The following STK25 variants were observed in gnomAD, a reference collection of about 807,000 sequenced individuals.
STK25 encodes serine/threonine-protein kinase 25.
A neutral mutation model predicts 53.8 loss-of-function variants in STK25; 29 were observed. That is an observed-to-expected ratio of 0.54 (90% CI 0.40 to 0.74). The LOEUF is 0.74. Ranked by LOEUF, STK25 falls within the 30% of genes least tolerant of loss-of-function variation. The pLI is 0.00. For missense variants in STK25, 420 were observed against 568.0 expected, an observed-to-expected ratio of 0.74 and a Z score of 2.65; for synonymous variants, 247 against 238.3, an observed-to-expected ratio of 1.04 and a Z score of -0.33.
chr2:241,501,204 A>G lies in STK25; in HGVS notation c.261+274T>C. ...CCAGCCACCTGCTCCTCACAGGCCC[A>G]CTCACCACTGCCAGTAGGGGCCCCC... On this transcript the variant is annotated intron_variant, in intron 3 of 11. Coordinates refer to ENST00000316586, the MANE Select transcript of STK25 (RefSeq NM_001271977.2). The surrounding 1 kb of genome is among the most constrained non-coding windows in gnomAD (Gnocchi z 5.3). 1.8e-6 allele frequency: 1 copy of G among 563,462 alleles called. No homozygotes were observed. Among genetic ancestry groups the G allele is most frequent in the Non-Finnish European group, 3.2e-6 (1 of 312,492 alleles). The allele number at this position is 563,462 out of a possible 1,614,324, so 34.9% of individuals were successfully genotyped here. A position where few individuals can be genotyped will look rare whatever the true frequency, so the allele number is the denominator to read the frequency against.
intron 1 of STK25, 60 bp from the exon 2 acceptor site, chr2:241,508,195 G>A (rs2065969800): frequency 2.2e-6 from 3 of 1,360,928 alleles, no homozygotes; most frequent in South Asian, 3.5e-5. Context: ...CGACCTCCGG[G>A]GCGGCGGGCT....
rs573067243 is a variant in STK25 at position 241,497,789 on chromosome 2, G to A, written c.1033-102C>T. On this transcript the variant is annotated intron_variant, in intron 9 of 11. Coordinates refer to ENST00000316586, the MANE Select transcript of STK25 (RefSeq NM_001271977.2). ...CTAGCCTTGAAGAGACAGAGGCTGG[G>A]AGCAGCCTGTCGGGGCACATGTCCA... The A allele has an allele frequency of 2.1e-3, 2,513 of 1,220,496 alleles. 23 individuals carry two copies. Among genetic ancestry groups the A allele is most frequent in the Middle Eastern group, 0.013 (48 of 3,828 alleles). 75.6% of individuals were successfully genotyped at this position (1,220,496 alleles called of 1,614,324 possible).
At chr2:241,505,463 C>T (rs1236123979) in intron 2 of STK25, among the ~76,000 whole-genome samples, 2 of 152,146 alleles carry the variant, frequency 1.3e-5, no homozygotes, top group African/African-American at 4.8e-5. Context: ...AAAGCAGGGC[C>T]ATGACCTGGC....
chr2:241,498,333 C>T lies in STK25; in HGVS notation c.934G>A (p.Asp312Asn), dbSNP rs749514218. Residue 312 changes from aspartate to asparagine, a missense_variant, in exon 9 of 12, where the codon GAC (aspartate) becomes AAC (asparagine). Transcript: ENST00000316586. ...GTCCAGATGGGGCCCTGCTCCCCGT[C>T]CTCCGCCTCGCCATCACTGAAGAGG... ...EDSDIDGEAE[D>N]GEQGPIWTFP... is the part of the protein sequence containing the mutation. The T allele has an allele frequency of 1.3e-6, 2 of 1,595,700 alleles. No individual in the cohort carries two copies. Among genetic ancestry groups the T allele is most frequent in the Non-Finnish European group, 1.7e-6 (2 of 1,168,180 alleles).
In STK25 at chr2:241,497,433, T is replaced by C. The variant is rs1196776809; in HGVS notation, c.1104+183A>G. Reference sequence around the variant, plus strand: ...CAGAGAACCTTGGCAGGTCTGGGAGTACAAAAGGAGTCATTGCAGCAGATT... The same window carrying C: ...CAGAGAACCTTGGCAGGTCTGGGAGCACAAAAGGAGTCATTGCAGCAGATT... On this transcript the variant is annotated intron_variant, in intron 10 of 11. Coordinates refer to ENST00000316586, the MANE Select transcript of STK25 (RefSeq NM_001271977.2). The C allele has an allele frequency of 8.1e-6, 5 of 618,536 alleles. No homozygotes were observed. In the African/African-American group the frequency reaches 9.2e-5, roughly 11 times the overall value. The allele number at this position is 618,536 out of a possible 1,614,324, so 38.3% of individuals were successfully genotyped here. A position where few individuals can be genotyped will look rare whatever the true frequency, so the allele number is the denominator to read the frequency against.
chr2:241,494,538 C>T lies in STK25; in HGVS notation c.*1124G>A, dbSNP rs35804074. The T allele has an allele frequency of 0.025, 3,852 of 154,310 alleles. 57 individuals are homozygous for T. Among genetic ancestry groups the T allele is most frequent in the Non-Finnish European group, 0.041 (2,878 of 69,428 alleles). The allele number at this position is 154,310 out of a possible 1,614,324, so 9.6% of individuals were successfully genotyped here. ...ACTGGAAAAGAGGCCCTGCCATACA[C>T]CCTGCGTACCCACTGCCAGGACCCT... On this transcript the variant is annotated 3_prime_UTR_variant, in exon 12 of 12. Transcript: ENST00000316586. The surrounding 1 kb of genome is among the most constrained non-coding windows in gnomAD (Gnocchi z 4.9).
rs1164866464 is a variant in STK25, at chr2:241,508,327, G to C, written c.-101+116C>G. The C allele has an allele frequency of 5.0e-6, 6 of 1,210,152 alleles. 1 individual carries two copies. The Middle Eastern group carries it at 9.9e-4, about 199-fold the overall frequency. 75.0% of individuals were successfully genotyped at this position (1,210,152 alleles called of 1,614,324 possible). A position where few individuals can be genotyped will look rare whatever the true frequency, so the allele number is the denominator to read the frequency against. On this transcript the variant is annotated intron_variant, in intron 1 of 11. Transcript: ENST00000316586. Reference sequence around the variant, plus strand: ...CCGTCGCCGCCCCCACCTCTTCCAAGGCAGCTTCCTCCCGGTGCCCCCGCC... The same window carrying C: ...CCGTCGCCGCCCCCACCTCTTCCAACGCAGCTTCCTCCCGGTGCCCCCGCC...
chr2:241,508,396 GC>G (rs924222283), intron 1 of STK25, 46 bp downstream of exon 1: 1 of 1,068,446 alleles, frequency 9.4e-7, no homozygotes, highest in East Asian at 7.4e-5. Flanking sequence ...CCCTCCCTCT[GC>G]CCCCTCCCCA....
rs557458695 is a variant in STK25, at chr2:241,503,941, C to T, written c.31-2233G>A. 5.1e-5 allele frequency: 23 copies of T among 453,384 alleles called. 1 individual carries two copies. The Middle Eastern group carries it at 2.4e-3, about 46-fold the overall frequency. The allele number at this position is 453,384 out of a possible 1,614,324, so 28.1% of individuals were successfully genotyped here. ...TGGCTGAAGCCAACTGGACATCGCA[C>T]CAGCCTGAGGCGACACTTCCGTGTG... is the stretch of plus-strand genomic sequence containing the variant. On this transcript the variant is annotated intron_variant, in intron 2 of 11. Coordinates refer to ENST00000316586, the MANE Select transcript of STK25 (RefSeq NM_001271977.2).
chr2:241,500,590 G>A (rs761164937), intron 4 of STK25, 150 bp downstream of exon 4: 237 of 853,004 alleles, frequency 2.8e-4, no homozygotes, highest in Non-Finnish European at 4.1e-4. Flanking sequence ...CAGACGTGCA[G>A]ATGGCAGTTC....
chr2:241,502,757 A>T (rs28470857), intron 2 of STK25, among the ~76,000 whole-genome samples: 5,340 of 147,902 alleles, frequency 0.036, 297 homozygotes, highest in African/African-American at 0.12. Flanking sequence ...TAAAAAATTT[A>T]AAAAAAAAAA....
At position 241,494,091 on chromosome 2, in the gene STK25, G is replaced by A. The variant is rs754776634; in HGVS notation, c.*1571C>T. ...CAGGATGGCCCCCAACCCTCCTCAG[G>A]GCTGGAGGGGATGGTCAGGGGGAAG... On this transcript the variant is annotated 3_prime_UTR_variant, in exon 12 of 12. Coordinates refer to ENST00000316586, the MANE Select transcript of STK25 (RefSeq NM_001271977.2). This position sits in a 1 kb window ranked among gnomAD's most constrained non-coding sequence, Gnocchi z 4.9. The A allele has an allele frequency of 2.0e-5, 30 of 1,469,540 alleles. No individual in the cohort carries two copies. Among genetic ancestry groups the A allele is most frequent in the Non-Finnish European group, 2.4e-5 (27 of 1,118,312 alleles). 91.0% of individuals were successfully genotyped at this position (1,469,540 alleles called of 1,614,324 possible). A position where few individuals can be genotyped will look rare whatever the true frequency, so the allele number is the denominator to read the frequency against.
At chr2:241,497,258 G>A in intron 10 of STK25, 1 of 223,360 alleles carries the variant, frequency 4.5e-6, no homozygotes, top group Non-Finnish European at 8.9e-6. Flanking sequence ...GGTGCTGACT[G>A]CCCATCAGCA....
At chr2:241,508,297 C>T in intron 1 of STK25, 146 bp downstream of exon 1, 3 of 1,259,344 alleles carry the variant, frequency 2.4e-6, no homozygotes, top group Middle Eastern at 3.1e-4. Flanking sequence ...GGCTCGCCGC[C>T]CCTCCCGTCG....
rs1174483470 is a variant in STK25 at position 241,496,933 on chromosome 2, A to T, written c.1105-399T>A. ...GCCCAGATCTGACCTCCATCAGGACACCAGCATCTGAGCCTCCTGTCACCG... is the reference window on the plus strand; with the variant it reads ...GCCCAGATCTGACCTCCATCAGGACTCCAGCATCTGAGCCTCCTGTCACCG... On this transcript the variant is annotated intron_variant, in intron 10 of 11. Transcript: ENST00000316586. This position sits in a 1 kb window ranked among gnomAD's most constrained non-coding sequence, Gnocchi z 5.8. Among the ~76,000 whole-genome samples the T allele has an allele frequency of 2.6e-5, 4 of 152,220 alleles. No individual in the cohort carries two copies. Among genetic ancestry groups the T allele is most frequent in the Admixed American group, 2.0e-4 (3 of 15,286 alleles).
At chr2:241,497,572 T>C in intron 10 of STK25, 44 bp downstream of exon 10, 2 of 1,597,872 alleles carry the variant, frequency 1.3e-6, no homozygotes, top group Non-Finnish European at 1.7e-6. Flanking sequence ...GTCACAGCCT[T>C]GTCCTTGACG....
chr2:241,503,068 T>C (rs541881663), intron 2 of STK25, among the ~76,000 whole-genome samples: 4 of 152,228 alleles, frequency 2.6e-5, no homozygotes, highest in Admixed American at 2.0e-4. Flanking sequence ...CTCGACCCTT[T>C]TTTAAATGTT....
intron 5 of STK25, 102 bp downstream of exon 5, chr2:241,500,071 G>T (rs560642439): frequency 1.0e-6 from 1 of 962,390 alleles, no homozygotes; most frequent in South Asian, 1.3e-5. Flanking sequence ...CTATACTCCA[G>T]ACCCTGGGCA....
intron 2 of STK25, among the ~76,000 whole-genome samples, chr2:241,504,368 G>C (rs1247628759): frequency 1.3e-5 from 2 of 152,176 alleles, no homozygotes; most frequent in Admixed American, 6.5e-5. Context: ...GGGGTGCCTT[G>C]AGCCCACCTG....
Sources: allele counts gnomAD v4.1 joint callset (sites outside exome capture counted in the v4.1 genomes callset), GRCh38; gene constraint gnomAD v4.1.1; non-coding constraint Gnocchi (gnomAD v3.1); transcripts MANE v1.5; gene names NCBI Gene and HGNC (gene_info 2026-07-23, HGNC 2026-07-21).